ANKDD1A: variants seen among roughly 807,000 people sequenced by gnomAD.
ANKDD1A encodes ankyrin repeat and death domain-containing protein 1A.
Under a neutral mutation model 63.5 loss-of-function variants are expected in ANKDD1A, and 59 were observed. The observed-to-expected ratio is 0.93, with a 90% CI of 0.75 to 1.15. ANKDD1A has a LOEUF of 1.15. Ranked by LOEUF, ANKDD1A falls within the 50% of genes most tolerant of loss-of-function variation. The pLI, the probability that ANKDD1A is intolerant of heterozygous loss-of-function variation, is 0.00. For synonymous variants in ANKDD1A, 266 were observed against 263.9 expected, an observed-to-expected ratio of 1.01 and a Z score of -0.08; for missense variants, 632 against 656.4, an observed-to-expected ratio of 0.96 and a Z score of 0.41.
intron 8 of ANKDD1A, chr15:64,931,835 A>G: frequency 1.7e-6 from 1 of 595,706 alleles, no homozygotes; most frequent in East Asian, 2.8e-5. Flanking sequence ...TGAGGATTAA[A>G]TACCTAACAC....
chr15:64,940,885 T>A (rs763476951), intron 9 of ANKDD1A, among the ~76,000 whole-genome samples: 1 of 152,130 alleles, frequency 6.6e-6, no homozygotes, highest in African/African-American at 2.4e-5. Flanking sequence ...ACTACAGGTG[T>A]GCACCACTAT....
chr15:64,953,006 TTCTTCTCCTTGTTCTTCTCCTCCTTCTTC>T (rs2085328496), intron 14 of ANKDD1A, among the ~76,000 whole-genome samples: 1 of 140,326 alleles, frequency 7.1e-6, no homozygotes, highest in Non-Finnish European at 1.6e-5. Context: ...TCTTAGTTCT[TTCTTCTCCTTGTTCTTCTCCTCCTTCTTC>T]CTTTCTTCTT....
chr15:64,953,310 TTTTC>T (rs1455497515), intron 14 of ANKDD1A, among the ~76,000 whole-genome samples: 4 of 151,058 alleles, frequency 2.6e-5, no homozygotes, highest in Non-Finnish European at 4.4e-5. Context: ...TCTTTTACTT[TTTTC>T]TTTCTTCTTT....
chr15:64,937,474 A>G (rs1358105754), intron 9 of ANKDD1A, among the ~76,000 whole-genome samples: 1 of 152,210 alleles, frequency 6.6e-6, no homozygotes, highest in Non-Finnish European at 1.5e-5. Flanking sequence ...CACACCTGTA[A>G]TCCCAGCACT....
chr15:64,947,565 T>A lies in ANKDD1A; in HGVS notation c.1323T>A (p.His441Gln), dbSNP rs1274188432. The change falls in exon 13 of 15, where the codon CAT becomes CAA. Residue 441 changes from histidine to glutamine, a missense_variant. Coordinates refer to ENST00000319580, the MANE Select transcript of ANKDD1A (RefSeq NM_182703.6). ...ATTCCTGGGAGTTCACGGAGGCACA[T>A]GTCGACGCCATCGAGCAACAGTGGA... is the stretch of plus-strand genomic sequence containing the variant. ...LAYSWEFTEA[H>Q]VDAIEQQWTG... 1.9e-6 allele frequency: 3 copies of A among 1,614,134 alleles called. No homozygotes were observed. The highest frequency in any genetic ancestry group is 3.3e-5 in the Admixed American group (2 of 60,012).
Position 64,942,578 on chromosome 15 carries a change from A to G in ANKDD1A, c.966+13A>G. 3 of 1,607,936 alleles carry G rather than the reference A, an allele frequency of 1.9e-6. No individual in the cohort carries two copies. The highest frequency in any genetic ancestry group is 2.5e-6 in the Non-Finnish European group (3 of 1,176,732). ...TGCCGTGGACAATGTAAGTGGCTACAGAGACCTTCCGGGCCCCAGGGAGCT... is the reference window on the plus strand; with the variant it reads ...TGCCGTGGACAATGTAAGTGGCTACGGAGACCTTCCGGGCCCCAGGGAGCT... On this transcript the variant is annotated intron_variant, in intron 10 of 14. Coordinates refer to ENST00000319580, the MANE Select transcript of ANKDD1A (RefSeq NM_182703.6).
At position 64,944,564 on chromosome 15, in the gene ANKDD1A, G is replaced by A. The variant is rs572207408; in HGVS notation, c.1066-88G>A. 16 of 1,233,600 alleles carry A rather than the reference G, an allele frequency of 1.3e-5. No homozygotes were observed. The South Asian group carries it at 1.9e-4, about 15-fold the overall frequency. The allele number at this position is 1,233,600 out of a possible 1,614,324, so 76.4% of individuals were successfully genotyped here. On this transcript the variant is annotated intron_variant, in intron 11 of 14. Transcript: ENST00000319580. ...TAGACTGCTGGAAAGCACTTCCTGTGGGCAGGAGGGTTTGTCCTCAGTGCT... is the reference window on the plus strand; with the variant it reads ...TAGACTGCTGGAAAGCACTTCCTGTAGGCAGGAGGGTTTGTCCTCAGTGCT...
intron 4 of ANKDD1A, among the ~76,000 whole-genome samples, chr15:64,924,953 G>C (rs1212103929): frequency 6.6e-6 from 1 of 152,130 alleles, no homozygotes; most frequent in African/African-American, 2.4e-5. Context: ...TGGGCCGGGC[G>C]TGGTGGTTCA....
At chr15:64,913,331 T>C (rs185392596) in intron 1 of ANKDD1A, among the ~76,000 whole-genome samples, 3 of 152,334 alleles carry the variant, frequency 2.0e-5, no homozygotes, top group African/African-American at 7.2e-5. Flanking sequence ...CAGGCCTCTG[T>C]AAGCTCACAT....
At chr15:64,919,164 C>T (rs541494386) in intron 3 of ANKDD1A, among the ~76,000 whole-genome samples, 5 of 152,104 alleles carry the variant, frequency 3.3e-5, no homozygotes, top group Non-Finnish European at 7.4e-5. Context: ...GTGGGGAAAG[C>T]TGGTATAGGA....
At chr15:64,953,615 C>CTTCTTCTTCTTAGTTCTTCTTAG (rs1555397853) in intron 14 of ANKDD1A, among the ~76,000 whole-genome samples, 13 of 108,910 alleles carry the variant, frequency 1.2e-4, no homozygotes, top group African/African-American at 4.4e-4. Flanking sequence ...TTCTTCTCTC[C>CTTCTTCTTCTTAGTTCTTCTTAG]TTCTTCTTCT....
intron 4 of ANKDD1A, chr15:64,922,310 G>A (rs2085013440): frequency 5.2e-6 from 2 of 387,114 alleles, no homozygotes; most frequent in Non-Finnish European, 9.6e-6. Context: ...CCACCCTCCT[G>A]CCAGGCTCTG....
chr15:64,951,699 C>CCTTATTCTTTTCTTTGTCTTCG (rs1689899540), intron 14 of ANKDD1A, among the ~76,000 whole-genome samples: 5 of 7,548 alleles, frequency 6.6e-4, no homozygotes, highest in Non-Finnish European at 1.8e-3. Context: ...TCCTCTTCTT[C>CCTTATTCTTTTCTTTGTCTTCG]TTCCTTATTT....
intron 14 of ANKDD1A, among the ~76,000 whole-genome samples, chr15:64,955,902 T>C (rs934125929): frequency 1.3e-5 from 2 of 152,146 alleles, no homozygotes; most frequent in African/African-American, 4.8e-5. Context: ...TAAACCTGTA[T>C]GCATACAAAA....
At position 64,953,663 on chromosome 15, in the gene ANKDD1A, T is replaced by C. The variant is rs1354927322; in HGVS notation, c.1484-3440T>C. ...TTCCTCTTCCTTCTCCTTCTTTTCT[T>C]TCTTCTCCTTCTTTTCTTCTCCTTC... On this transcript the variant is annotated intron_variant, in intron 14 of 14. Coordinates refer to ENST00000319580, the MANE Select transcript of ANKDD1A (RefSeq NM_182703.6). 9.6e-5 allele frequency among the ~76,000 whole-genome samples: 13 copies of C among 135,546 alleles called. 1 individual carries two copies. Among genetic ancestry groups the C allele is most frequent in the African/African-American group, 3.4e-4 (12 of 35,420 alleles). The allele number at this position is 135,546 out of a possible 152,430, so 88.9% of individuals were successfully genotyped here. A position where few individuals can be genotyped will look rare whatever the true frequency, so the allele number is the denominator to read the frequency against.
At chr15:64,950,573 TAATGGGGCAACCACAG>T (rs1446034653) in intron 14 of ANKDD1A, 8 of 985,314 alleles carry the variant, frequency 8.1e-6, no homozygotes, top group Non-Finnish European at 7.2e-6. Context: ...ACGTGGTACA[TAATGGGGCAACCACAG>T]AATGGGGCAC....
chr15:64,939,082 G>A (rs2085159653), intron 9 of ANKDD1A, among the ~76,000 whole-genome samples: 1 of 152,140 alleles, frequency 6.6e-6, no homozygotes, highest in Non-Finnish European at 1.5e-5. Context: ...ACTGGATGTG[G>A]GGTATGTGGG....
At chr15:64,938,896 G>T (rs1242846153) in intron 9 of ANKDD1A, among the ~76,000 whole-genome samples, 1 of 149,962 alleles carries the variant, frequency 6.7e-6, no homozygotes. Context: ...AGTGAGCCGA[G>T]ATCGCGCCAC....
chr15:64,952,928 TTCTTCTTC>T (rs2085325471), intron 14 of ANKDD1A, among the ~76,000 whole-genome samples: 6 of 142,166 alleles, frequency 4.2e-5, no homozygotes, highest in Non-Finnish European at 9.2e-5. Flanking sequence ...TTCTTCTTAG[TTCTTCTTC>T]CTCTTCTTCC....
Sources: allele counts gnomAD v4.1 joint callset (sites outside exome capture counted in the v4.1 genomes callset), GRCh38; gene constraint gnomAD v4.1.1; transcripts MANE v1.5; gene names NCBI Gene and HGNC (gene_info 2026-07-23, HGNC 2026-07-21).